FGD3: variants seen among roughly 807,000 people sequenced by gnomAD.
FGD3 encodes the protein FYVE, RhoGEF and PH domain containing 3.
FGD3 carries 45 observed loss-of-function variants against 71.8 expected under a neutral mutation model. The ratio of observed to expected loss-of-function variants is 0.63; its 90% CI spans 0.49 to 0.80. FGD3 has a LOEUF of 0.80. FGD3 is among the 30% of genes least tolerant of loss of function. The probability of loss-of-function intolerance (pLI) is 0.00; values close to 1 mark genes in which losing one functional copy is unlikely to be tolerated. For synonymous variants in FGD3, 378 were observed against 392.8 expected (o/e 0.96, Z 0.44); for missense variants, 844 against 951.5 (o/e 0.89, Z 1.49).
At position 93,033,343 on chromosome 9, in the gene FGD3, G is replaced by GTCCCCTTCTCCTCCTCCCCC. The variant is rs1564173927; in HGVS notation, c.1785+483_1785+484insCTCCCCCTCCCCTTCTCCTC. On this transcript the variant is annotated intron_variant, in intron 16 of 17. Transcript: ENST00000375482. The stretch of plus-strand genomic sequence containing the variant: ...CCGTCCCCTTCTCCTCCTCCTCCCC[G>GTCCCCTTCTCCTCCTCCCCC]TCCCCTTCTCCTCTTCCTCTCCCTC... 1.0e-4 allele frequency: 7 copies of GTCCCCTTCTCCTCCTCCCCC among 68,760 alleles called. No individual in the cohort carries two copies. The African/African-American group carries it at 1.2e-3, about 12-fold the overall frequency. 4.3% of individuals were successfully genotyped at this position (68,760 alleles called of 1,614,324 possible).
At chr9:93,025,725 G>T (rs1329046089) in intron 14 of FGD3, among the ~76,000 whole-genome samples, 2 of 152,220 alleles carry the variant, frequency 1.3e-5, no homozygotes, top group African/African-American at 4.8e-5. Context: ...GCGTGGAGTT[G>T]CTCTTAACAG....
intron 14 of FGD3, among the ~76,000 whole-genome samples, chr9:93,024,672 C>CGTGCTGAGG (rs373617536): frequency 5.5e-4 from 83 of 152,280 alleles, no homozygotes; most frequent in African/African-American, 1.9e-3. Flanking sequence ...GTGGAGGCCA[C>CGTGCTGAGG]GTGCTGAGGG....
chr9:93,002,052 ACTT>A (rs1050699392), intron 3 of FGD3, among the ~76,000 whole-genome samples: 5 of 152,128 alleles, frequency 3.3e-5, no homozygotes, highest in African/African-American at 9.7e-5. Flanking sequence ...TGAGAAATAA[ACTT>A]CTTTTGTTTA....
chr9:93,020,298 G>C lies in FGD3; in HGVS notation c.1387-19G>C. On this transcript the variant is annotated intron_variant, in intron 12 of 17. Coordinates refer to ENST00000375482, the MANE Select transcript of FGD3 (RefSeq NM_001083536.2). ...CCCATGCCCCTTTATAGTCCTCACT[G>C]TTGTGTTGCTGTGTCCAGATCATCC... The C allele has an allele frequency of 6.2e-7, 1 of 1,602,644 alleles. No homozygotes were observed. Among genetic ancestry groups the C allele is most frequent in the South Asian group, 1.1e-5 (1 of 90,504 alleles).
rs10992559 is a variant in FGD3 at position 92,970,151 on chromosome 9, C to T, written c.-217-5087C>T. On this transcript the variant is annotated intron_variant, in intron 1 of 17. Coordinates refer to ENST00000375482, the MANE Select transcript of FGD3 (RefSeq NM_001083536.2). ...TGGGCGGACCAGAGTGACCCAAGCC[C>T]GGGGGCTTCCAGCACCTGTGTCCCA... Among the ~76,000 whole-genome samples the T allele has an allele frequency of 1.2e-3, 177 of 152,292 alleles. 1 individual carries two copies. The highest frequency in any genetic ancestry group is 1.9e-3 in the Admixed American group (29 of 15,296).
At chr9:93,015,690 G>C in intron 9 of FGD3, 47 bp from the exon 10 acceptor site, 1 of 1,521,992 alleles carries the variant, frequency 6.6e-7, no homozygotes, top group Non-Finnish European at 9.1e-7. Flanking sequence ...CCCCTGGGGG[G>C]ACCTGCGGGC....
intron 14 of FGD3, among the ~76,000 whole-genome samples, chr9:93,028,772 C>G (rs1415150866): frequency 6.6e-6 from 1 of 152,158 alleles, no homozygotes; most frequent in African/African-American, 2.4e-5. Flanking sequence ...GTGAGTCATC[C>G]AGGGTTGCAG....
intron 1 of FGD3, among the ~76,000 whole-genome samples, chr9:92,948,283 C>T (rs942408814): frequency 1.3e-5 from 2 of 152,246 alleles, no homozygotes; most frequent in South Asian, 4.1e-4. Context: ...CTAAGTGTCA[C>T]TTCTCATAAG....
At chr9:93,015,046 A>C (rs1861615043) in intron 9 of FGD3, among the ~76,000 whole-genome samples, 1 of 149,784 alleles carries the variant, frequency 6.7e-6, no homozygotes. Context: ...TGTTTCTAGA[A>C]TTTTGCCTTT....
chr9:92,950,725 T>A (rs1858938967), intron 1 of FGD3, among the ~76,000 whole-genome samples: 1 of 152,152 alleles, frequency 6.6e-6, no homozygotes. Flanking sequence ...CTGTGGAGGC[T>A]GTGGTAGTCT....
At chr9:93,017,614 C>A (rs968955588) in intron 10 of FGD3, among the ~76,000 whole-genome samples, 1 of 151,988 alleles carries the variant, frequency 6.6e-6, no homozygotes, top group Non-Finnish European at 1.5e-5. Context: ...AAGAAGTGAC[C>A]CCATTTTCAT....
intron 14 of FGD3, among the ~76,000 whole-genome samples, chr9:93,027,431 A>G (rs1265401546): frequency 2.6e-5 from 4 of 152,222 alleles, no homozygotes; most frequent in Non-Finnish European, 4.4e-5. Flanking sequence ...GTTTCCACAC[A>G]TGGTCTTCCC....
intron 1 of FGD3, among the ~76,000 whole-genome samples, chr9:92,968,878 G>A (rs1859433526): frequency 6.6e-6 from 1 of 152,122 alleles, no homozygotes; most frequent in East Asian, 1.9e-4. Flanking sequence ...CAAAGTGCTG[G>A]GATTGCAGGT....
chr9:93,028,197 GACAC>G (rs371150500), intron 14 of FGD3, among the ~76,000 whole-genome samples: 10,411 of 147,248 alleles, frequency 0.071, 460 homozygotes, highest in South Asian at 0.12. Flanking sequence ...CCCTAGCCCC[GACAC>G]ACACACACAC....
chr9:93,014,143 C>A, intron 9 of FGD3, 145 bp downstream of exon 9: 1 of 1,038,784 alleles, frequency 9.6e-7, no homozygotes, highest in Non-Finnish European at 1.3e-6. Flanking sequence ...CCTCTGAGAC[C>A]CTCAGCATCC....
chr9:92,963,095 A>G (rs1012806037), intron 1 of FGD3, among the ~76,000 whole-genome samples: 1 of 152,154 alleles, frequency 6.6e-6, no homozygotes, highest in African/African-American at 2.4e-5. Context: ...ACTTAGGGAC[A>G]AACTCCACAT....
At chr9:92,991,826 G>A (rs1018413349) in intron 3 of FGD3, among the ~76,000 whole-genome samples, 3 of 151,854 alleles carry the variant, frequency 2.0e-5, no homozygotes, top group East Asian at 1.9e-4. Flanking sequence ...CTATATCTAG[G>A]TGCTCTAGTA....
At chr9:93,033,297 GTCCCCTTCTCCTCCTCCT>G in intron 16 of FGD3, 1 of 141,462 alleles carries the variant, frequency 7.1e-6, no homozygotes, top group Non-Finnish European at 1.3e-5. Context: ...CCTCCTCCCC[GTCCCCTTCTCCTCCTCCT>G]CCCCGTCCCC....
intron 14 of FGD3, among the ~76,000 whole-genome samples, chr9:93,024,813 T>G (rs13285835): frequency 0.22 from 33,278 of 152,190 alleles, 3,724 homozygotes; most frequent in South Asian, 0.32. Context: ...GTTGGTGCCC[T>G]GACAGGAGAA....
Sources: allele counts gnomAD v4.1 joint callset (sites outside exome capture counted in the v4.1 genomes callset), GRCh38; gene constraint gnomAD v4.1.1; transcripts MANE v1.5; gene names NCBI Gene and HGNC (gene_info 2026-07-23, HGNC 2026-07-21).